Variants in TENM3 observed in about 807,000 individuals in gnomAD.
The protein encoded by TENM3 is teneurin-3.
A neutral mutation model predicts 255.1 loss-of-function variants in TENM3; 63 were observed. The observed-to-expected ratio is 0.25, with a 90% CI of 0.20 to 0.30. TENM3 has a LOEUF of 0.30. TENM3 is among the 10% of genes least tolerant of loss of function. The pLI is 1.00. For missense variants in TENM3, 2,929 were observed against 3,461.1 expected, an observed-to-expected ratio of 0.85 and a Z score of 3.86; for synonymous variants, 1,306 against 1,322.3, an observed-to-expected ratio of 0.99 and a Z score of 0.27.
chr4:182,687,650 A>T (rs1347064546), intron 11 of TENM3, among the ~76,000 whole-genome samples: 1 of 152,194 alleles, frequency 6.6e-6, no homozygotes, highest in African/African-American at 2.4e-5. Flanking sequence ...ACTTAAGTAG[A>T]TTCCTCTTAG....
intron 3 of TENM3, among the ~76,000 whole-genome samples, chr4:182,431,048 CAAACAAACAAAT>C (rs1771604099): frequency 7.0e-6 from 1 of 143,884 alleles, no homozygotes. Context: ...AACAAACAAA[CAAACAAACAAAT>C]AAATAACTGA....
At position 182,792,719 on chromosome 4, in the gene TENM3, G is replaced by T; in HGVS notation, c.6047G>T (p.Arg2016Ile). The T allele has an allele frequency of 6.2e-7, 1 of 1,613,966 alleles. No homozygotes were observed. Among genetic ancestry groups the T allele is most frequent in the Non-Finnish European group, 8.5e-7 (1 of 1,179,900 alleles). The part of the protein sequence containing the change: ...RFSEDGMVNA[R>I]FDYSYDNSFR... ...AGTGAAGATGGGATGGTAAATGCAAGATTTGACTATAGCTATGACAACAGC... is the reference window on the plus strand; with the variant it reads ...AGTGAAGATGGGATGGTAAATGCAATATTTGACTATAGCTATGACAACAGC... The change falls in exon 26 of 28, where the codon AGA becomes ATA. Residue 2016 changes from arginine to isoleucine, a missense_variant. Arg to Ile is a moderately conservative substitution (Grantham distance 97). Transcript: ENST00000511685. This position sits in a 1 kb window ranked among gnomAD's most constrained non-coding sequence, Gnocchi z 6.3.
chr4:182,619,776 CTCTT>C (rs1749924074), intron 4 of TENM3, among the ~76,000 whole-genome samples: 1 of 152,200 alleles, frequency 6.6e-6, no homozygotes, highest in African/African-American at 2.4e-5. Flanking sequence ...CTGATAGTCT[CTCTT>C]CAAGTGTGTC....
chr4:182,174,140 T>C (rs1046792043), intron 1 of TENM3, among the ~76,000 whole-genome samples: 2 of 152,162 alleles, frequency 1.3e-5, no homozygotes, highest in Non-Finnish European at 2.9e-5. Flanking sequence ...TTGATGTTTA[T>C]CTTGATGACC....
the TENM3 span, among the ~76,000 whole-genome samples, chr4:181,835,873 G>A: frequency 7.7e-4 from 117 of 152,176 alleles, 2 homozygotes; most frequent in Non-Finnish European, 4.4e-4. Context: ...GAATGCAACA[G>A]TGGGAACATT....
chr4:181,870,139 G>A, the TENM3 span, among the ~76,000 whole-genome samples: 20 of 152,090 alleles, frequency 1.3e-4, no homozygotes, highest in Non-Finnish European at 1.8e-4. Context: ...TTCCATACCT[G>A]TTGTTGAGTA....
At chr4:182,759,257 G>A (rs1204443223) in intron 22 of TENM3, among the ~76,000 whole-genome samples, 1 of 152,126 alleles carries the variant, frequency 6.6e-6, no homozygotes, top group Non-Finnish European at 1.5e-5. Context: ...ATGTTGCTGT[G>A]GGTATAGAAC....
the TENM3 span, among the ~76,000 whole-genome samples, chr4:181,773,785 A>C: frequency 6.6e-6 from 1 of 152,158 alleles, no homozygotes; most frequent in Non-Finnish European, 1.5e-5. Flanking sequence ...TTAAATTTTC[A>C]GAGTACTTTG....
intron 1 of TENM3, among the ~76,000 whole-genome samples, chr4:182,310,527 G>A (rs969557301): frequency 7.2e-5 from 11 of 152,138 alleles, no homozygotes; most frequent in African/African-American, 2.7e-4. Context: ...ATTCCCAGTA[G>A]TTTCACCAGA....
the TENM3 span, among the ~76,000 whole-genome samples, chr4:181,481,798 T>G: frequency 1.3e-5 from 2 of 152,202 alleles, no homozygotes; most frequent in Non-Finnish European, 2.9e-5. Flanking sequence ...ATACGTATTC[T>G]ATGTGTCTAG....
At chr4:182,441,541 A>T (rs1399555939) in intron 3 of TENM3, among the ~76,000 whole-genome samples, 1 of 152,156 alleles carries the variant, frequency 6.6e-6, no homozygotes, top group East Asian at 1.9e-4. Flanking sequence ...TCTGTTGCCC[A>T]GGCTGGAGTG....
the TENM3 span, among the ~76,000 whole-genome samples, chr4:182,117,564 C>T: frequency 6.6e-6 from 1 of 152,124 alleles, no homozygotes; most frequent in Admixed American, 6.6e-5. Flanking sequence ...ATCTTTGCTC[C>T]ACTGTATTGC....
intron 24 of TENM3, among the ~76,000 whole-genome samples, chr4:182,784,321 T>C (rs1765433788): frequency 6.6e-6 from 1 of 152,090 alleles, no homozygotes; most frequent in African/African-American, 2.4e-5. Flanking sequence ...CCGTGTGAGG[T>C]GTCAGTGTGC....
intron 3 of TENM3, among the ~76,000 whole-genome samples, chr4:182,513,280 A>G (rs1341770286): frequency 6.6e-6 from 1 of 152,232 alleles, no homozygotes; most frequent in Non-Finnish European, 1.5e-5. Flanking sequence ...AACTATCAGA[A>G]GCATAAAATA....
the TENM3 span, among the ~76,000 whole-genome samples, chr4:182,007,280 CT>C: frequency 6.6e-6 from 1 of 152,018 alleles, no homozygotes; most frequent in Non-Finnish European, 1.5e-5. Context: ...CCTGAATATC[CT>C]TGTTAATTTT....
the TENM3 span, among the ~76,000 whole-genome samples, chr4:181,760,698 G>A: frequency 1.3e-5 from 2 of 151,962 alleles, no homozygotes; most frequent in Admixed American, 6.6e-5. Flanking sequence ...CCAACTAGCT[G>A]TTATTCCCTT....
the TENM3 span, among the ~76,000 whole-genome samples, chr4:181,921,678 A>C: frequency 6.6e-6 from 1 of 152,322 alleles, no homozygotes; most frequent in South Asian, 2.1e-4. Flanking sequence ...TGTCATCTTC[A>C]AACAGGGACA....
chr4:182,355,836 A>C (rs1191769016), intron 3 of TENM3, among the ~76,000 whole-genome samples: 1 of 151,774 alleles, frequency 6.6e-6, no homozygotes, highest in Non-Finnish European at 1.5e-5. Context: ...TTAGTAATTC[A>C]CATGAGAAGA....
chr4:182,112,241 C>T, the TENM3 span, among the ~76,000 whole-genome samples: 12 of 152,066 alleles, frequency 7.9e-5, 1 homozygote, highest in Admixed American at 5.2e-4. Context: ...TAGAGTATAG[C>T]GCGCCCTCCC....
Sources: gnomAD v4.1 joint callset for allele counts (sites outside exome capture counted in the v4.1 genomes callset) on GRCh38, gnomAD v4.1.1 for gene constraint, Gnocchi (gnomAD v3.1) non-coding constraint, MANE v1.5 for transcripts, NCBI Gene and HGNC (gene_info 2026-07-23, HGNC 2026-07-21) for gene names.